The following ANXA4 variants were observed in gnomAD, a reference collection of about 807,000 sequenced individuals.
The protein encoded by ANXA4 is 35-beta calcimedin.
ANXA4 carries 39 observed loss-of-function variants against 49.8 expected under a neutral mutation model. The ratio of observed to expected loss-of-function variants is 0.78; its 90% CI spans 0.61 to 1.02. ANXA4 has a LOEUF of 1.02. Among genes scored for constraint, ANXA4 ranks in the 50% least tolerant of loss-of-function variants. The pLI is 0.00. For missense variants in ANXA4, 360 were observed against 410.1 expected, an observed-to-expected ratio of 0.88 and a Z score of 1.05; for synonymous variants, 134 against 152.5, an observed-to-expected ratio of 0.88 and a Z score of 0.89.
intron 2 of ANXA4, among the ~76,000 whole-genome samples, chr2:69,660,780 G>C (rs1451668545): frequency 1.3e-5 from 2 of 151,450 alleles, no homozygotes; most frequent in Non-Finnish European, 2.9e-5. Context: ...GGGAGGGAGA[G>C]AGAGAGAGAG....
rs1676796488 is a variant in ANXA4 at position 69,663,290 on chromosome 2, G to A, written n.766+10008G>A. ...ATTACAGGCGTGAGCCAATGCACCC[G>A]GCCTTTTTTTTTTTTTTTTTTTTTT... On this transcript the variant is annotated intron_variant and non_coding_transcript_variant, in intron 2 of 3. Coordinates refer to the ANXA4 transcript ENST00000418066. Among the ~76,000 whole-genome samples the A allele has an allele frequency of 4.5e-5, 4 of 89,050 alleles. No individual in the cohort carries two copies. In the South Asian group the frequency reaches 1.2e-3, roughly 26 times the overall value. 58.4% of individuals were successfully genotyped at this position (89,050 alleles called of 152,430 possible).
chr2:69,785,917 A>G (rs1316361848), intron 2 of ANXA4, among the ~76,000 whole-genome samples: 1 of 152,130 alleles, frequency 6.6e-6, no homozygotes, highest in East Asian at 1.9e-4. Flanking sequence ...ACTGTTGGAG[A>G]GACCCAGGCT....
At chr2:69,753,246 C>T (rs1239923254) in intron 1 of ANXA4, among the ~76,000 whole-genome samples, 1 of 152,158 alleles carries the variant, frequency 6.6e-6, no homozygotes. Context: ...TGAGTGCCTG[C>T]ACACATAGCG....
rs151237761 is a variant in ANXA4 at position 69,793,400 on chromosome 2, T to C, written c.97+5259T>C. On this transcript the variant is annotated intron_variant, in intron 3 of 12. Transcript: ENST00000394295. ...TTTATTTTTAAAGATTAAAGTCACA[T>C]GAACTGAAAGGTACCACAGCTTTTA... Among the ~76,000 whole-genome samples the C allele has an allele frequency of 5.1e-3, 778 of 152,342 alleles. 10 individuals are homozygous for C. The highest frequency in any genetic ancestry group is 0.018 in the African/African-American group (748 of 41,574).
At chr2:69,748,734 G>A (rs1243934474) in intron 1 of ANXA4, among the ~76,000 whole-genome samples, 1 of 145,658 alleles carries the variant, frequency 6.9e-6, no homozygotes, top group Non-Finnish European at 1.5e-5. Context: ...TTTTAATACA[G>A]GGTCTCACTC....
intron 2 of ANXA4, among the ~76,000 whole-genome samples, chr2:69,677,285 C>G (rs1677445685): frequency 6.6e-6 from 1 of 152,076 alleles, no homozygotes; most frequent in Non-Finnish European, 1.5e-5. Context: ...GACTGGAGTG[C>G]AATGGCCCAT....
chr2:69,677,381 C>T (rs560783276), intron 2 of ANXA4, among the ~76,000 whole-genome samples: 1 of 152,136 alleles, frequency 6.6e-6, no homozygotes, highest in Admixed American at 6.5e-5. Context: ...AGGTGTGTGC[C>T]ACCACGCCCT....
intron 10 of ANXA4, 117 bp downstream of exon 10, chr2:69,818,811 A>G: frequency 1.6e-6 from 1 of 628,882 alleles, no homozygotes; most frequent in Non-Finnish European, 2.8e-6. Flanking sequence ...ATCATGAATC[A>G]CTCATGTTAC....
intron 3 of ANXA4, among the ~76,000 whole-genome samples, chr2:69,802,305 A>AGATTTCAGG (rs1673235182): frequency 6.6e-6 from 1 of 152,232 alleles, no homozygotes; most frequent in African/African-American, 2.4e-5. Context: ...GAAATCTTGA[A>AGATTTCAGG]TTGGAATGGT....
At position 69,806,426 on chromosome 2, in the gene ANXA4, C is replaced by T. The variant is rs745848655; in HGVS notation, c.234C>T (p.Phe78=). The T allele has an allele frequency of 2.1e-5, 34 of 1,613,976 alleles. No individual in the cohort carries two copies. The highest frequency in any genetic ancestry group is 3.3e-5 in the Admixed American group (2 of 60,004). Residue 78 remains phenylalanine (F), a synonymous_variant, in exon 5 of 13, where the codon TTC becomes TTT. Transcript: ENST00000394295. ...DDLKSELSGN[F]EQVIVGMMTP... ...TGAAGTCAGAACTGAGTGGCAACTTCGAGCAGGTGATTGTGGGGATGATGA... is the reference window on the plus strand; with the variant it reads ...TGAAGTCAGAACTGAGTGGCAACTTTGAGCAGGTGATTGTGGGGATGATGA...
In ANXA4 at chr2:69,775,961, T is replaced by TTTTATTTTATTTATTTATTTA. The variant is rs1553442135; in HGVS notation, c.-46-5552_-46-5551insTATTTATTTATTTATTTATTT. ...TTCCAGGCCATTTTATTTATTTTTA[T>TTTTATTTTATTTATTTATTTA]TTTATTTATTTATTTATTTATTTAT... On this transcript the variant is annotated intron_variant, in intron 1 of 12. Transcript: ENST00000394295. Among the ~76,000 whole-genome samples, 3 of 104,466 alleles carry TTTTATTTTATTTATTTATTTA rather than the reference T, an allele frequency of 2.9e-5. No individual in the cohort carries two copies. In the Admixed American group the frequency reaches 2.9e-4, roughly 10 times the overall value. The allele number at this position is 104,466 out of a possible 152,430, so 68.5% of individuals were successfully genotyped here.
intron 2 of ANXA4, among the ~76,000 whole-genome samples, chr2:69,681,102 G>T (rs909211749): frequency 3.9e-5 from 6 of 152,216 alleles, no homozygotes; most frequent in Non-Finnish European, 7.4e-5. Flanking sequence ...TGTAAGTTTG[G>T]TAGAATTCAG....
chr2:69,812,614 AC>A (rs773114334), intron 7 of ANXA4, 38 bp from the exon 8 acceptor site: 7 of 1,563,816 alleles, frequency 4.5e-6, no homozygotes, highest in Non-Finnish European at 6.2e-6. Context: ...CTTCATGTAT[AC>A]TCTCGAATTA....
In ANXA4 at chr2:69,678,989, G is replaced by A. The variant is rs937622821; in HGVS notation, n.766+25707G>A. On this transcript the variant is annotated intron_variant and non_coding_transcript_variant, in intron 2 of 3. Transcript: ENST00000418066. ...TTACCATCCTTATTGTTTTACATGA[G>A]CTGTTTATATATTGCTGTATTAACC... 2.6e-5 allele frequency among the ~76,000 whole-genome samples: 4 copies of A among 152,092 alleles called. No individual in the cohort carries two copies. The East Asian group carries it at 5.8e-4, about 22-fold the overall frequency.
intron 1 of ANXA4, among the ~76,000 whole-genome samples, chr2:69,645,455 C>T (rs1285222122): frequency 6.6e-6 from 1 of 152,216 alleles, no homozygotes; most frequent in Non-Finnish European, 1.5e-5. Context: ...GATGAGAAAG[C>T]TCATTTGGAA....
At chr2:69,681,898 T>C (rs1677612530) in intron 2 of ANXA4, among the ~76,000 whole-genome samples, 1 of 151,976 alleles carries the variant, frequency 6.6e-6, no homozygotes, top group Admixed American at 6.6e-5. Flanking sequence ...GTACAATGGC[T>C]CTATGATGGC....
At chr2:69,650,017 C>T (rs905804404) in intron 1 of ANXA4, among the ~76,000 whole-genome samples, 2 of 147,634 alleles carry the variant, frequency 1.4e-5, no homozygotes, top group Non-Finnish European at 3.0e-5. Flanking sequence ...CTGACTGCAG[C>T]CACCACCTCC....
chr2:69,710,303 A>G (rs1236945315), intron 2 of ANXA4, among the ~76,000 whole-genome samples: 1 of 152,150 alleles, frequency 6.6e-6, no homozygotes, highest in Non-Finnish European at 1.5e-5. Flanking sequence ...GGCTTTTTAA[A>G]TGCATTGCTG....
intron 2 of ANXA4, among the ~76,000 whole-genome samples, chr2:69,710,044 A>G (rs1287882831): frequency 7.3e-6 from 1 of 137,786 alleles, no homozygotes; most frequent in East Asian, 2.2e-4. Context: ...CTGGAGTGCA[A>G]TGGCGTGAAC....
Sources: allele counts gnomAD v4.1 joint callset (sites outside exome capture counted in the v4.1 genomes callset), GRCh38; gene constraint gnomAD v4.1.1; transcripts MANE v1.5; gene names NCBI Gene and HGNC (gene_info 2026-07-23, HGNC 2026-07-21).